LOXHD1: variants seen among roughly 807,000 people sequenced by gnomAD.
The protein encoded by LOXHD1 is lipoxygenase homology domain-containing protein 1.
In LOXHD1, 205 loss-of-function variants were observed where a neutral mutation model predicts 248.2. That is an observed-to-expected ratio of 0.83 (90% CI 0.74 to 0.93). The LOEUF is 0.93. Ranked by LOEUF, LOXHD1 falls within the 40% of genes least tolerant of loss-of-function variation. LOXHD1 has a pLI of 0.00. For missense variants in LOXHD1, 2,930 were observed against 2,971.6 expected, an observed-to-expected ratio of 0.99 and a Z score of 0.33; for synonymous variants, 1,113 against 1,162.8, an observed-to-expected ratio of 0.96 and a Z score of 0.87.
At chr18:46,484,941 C>A (rs1156419831) in intron 39 of LOXHD1, 78 bp downstream of exon 39, 2 of 1,508,530 alleles carry the variant, frequency 1.3e-6, no homozygotes, top group African/African-American at 1.4e-5. Context: ...CCTATGGCTC[C>A]CACCCAAGAG....
intron 20 of LOXHD1, 51 bp from the exon 21 acceptor site, chr18:46,557,540 A>G: frequency 6.5e-7 from 1 of 1,549,116 alleles, no homozygotes. Flanking sequence ...CCCTCCCCAC[A>G]TGGCCATCAG....
chr18:46,544,341 A>G (rs1027159047), intron 23 of LOXHD1, among the ~76,000 whole-genome samples: 1 of 152,198 alleles, frequency 6.6e-6, no homozygotes. Context: ...TGAGTTGATG[A>G]CTGTTGGATG....
intron 21 of LOXHD1, among the ~76,000 whole-genome samples, chr18:46,556,245 G>A (rs1412796364): frequency 6.6e-6 from 1 of 151,928 alleles, no homozygotes; most frequent in Non-Finnish European, 1.5e-5. Context: ...TTACTATCTG[G>A]TCTTTACACA....
At chr18:46,623,885 C>T (rs1375752414) in intron 4 of LOXHD1, among the ~76,000 whole-genome samples, 1 of 152,260 alleles carries the variant, frequency 6.6e-6, no homozygotes. Context: ...TAATTCGGTG[C>T]TGCATGCACA....
At chr18:46,488,372 G>A (rs1042885457) in intron 38 of LOXHD1, among the ~76,000 whole-genome samples, 2 of 152,210 alleles carry the variant, frequency 1.3e-5, no homozygotes, top group African/African-American at 2.4e-5. Context: ...TCTTACTGAA[G>A]CTAGTGCTGC....
At position 46,533,340 on chromosome 18, in the gene LOXHD1, A is replaced by G. The variant is rs897289040; in HGVS notation, c.4213-16T>C. The G allele has an allele frequency of 4.5e-6, 7 of 1,551,004 alleles. No homozygotes were observed. The South Asian group carries it at 4.8e-5, about 11-fold the overall frequency. ...TCTCTGCACCCTGGGGTGAGGCAGA[A>G]AAAGGAAAATTAGCCCTTAATGTGA... On this transcript the variant is annotated splice_polypyrimidine_tract_variant and intron_variant, in intron 27 of 40. Coordinates refer to ENST00000642948, the MANE Select transcript of LOXHD1 (RefSeq NM_001384474.1).
At chr18:46,545,255 G>C in intron 23 of LOXHD1, 62 bp downstream of exon 23, 3 of 1,240,084 alleles carry the variant, frequency 2.4e-6, no homozygotes, top group Non-Finnish European at 3.5e-6. Flanking sequence ...AATTTCTGCT[G>C]AGTCTTCTGG....
chr18:46,495,447 T>TTG (rs34464021), intron 37 of LOXHD1, among the ~76,000 whole-genome samples: 54,471 of 151,938 alleles, frequency 0.36, 11,198 homozygotes, highest in East Asian at 0.61. Context: ...AAATCACCAT[T>TTG]TGTAACCTTA....
In LOXHD1 at chr18:46,483,678, G is replaced by A; in HGVS notation, c.6250C>T (p.His2084Tyr). 6.4e-7 allele frequency: 1 copy of A among 1,551,730 alleles called. No homozygotes were observed. Among genetic ancestry groups the A allele is most frequent in the Non-Finnish European group, 8.7e-7 (1 of 1,147,002 alleles). The change falls in exon 40 of 41, where the codon CAC becomes TAC. Residue 2084 changes from histidine to tyrosine, a missense_variant. Coordinates refer to ENST00000642948, the MANE Select transcript of LOXHD1 (RefSeq NM_001384474.1). The part of the protein sequence containing the change: ...LGDIASLCVG[H>Y]LAREDRFIPK... ...ATAAACCGGTCTTCCCTGGCAAGGTGGCCCACACAGAGGGAGGCAATGTCC... is the reference window on the plus strand; with the variant it reads ...ATAAACCGGTCTTCCCTGGCAAGGTAGCCCACACAGAGGGAGGCAATGTCC...
chr18:46,498,955 T>C (rs2034049013), intron 37 of LOXHD1, among the ~76,000 whole-genome samples: 1 of 152,220 alleles, frequency 6.6e-6, no homozygotes, highest in South Asian at 2.1e-4. Flanking sequence ...GGGAGAAAGA[T>C]ATATCTGTGG....
rs573621022 is a variant in LOXHD1, at chr18:46,478,210, C to A, written c.6342-258G>T. On this transcript the variant is annotated intron_variant, in intron 40 of 40. Transcript: ENST00000642948. ...TTGCCCCTCATACTCCATGTCCAAT[C>A]CATAAGCAAATCCTGTTGACTTTAT... Among the ~76,000 whole-genome samples the A allele has an allele frequency of 2.0e-5, 3 of 152,298 alleles. No individual in the cohort carries two copies. In the East Asian group the frequency reaches 5.8e-4, roughly 29 times the overall value.
Position 46,609,543 on chromosome 18 carries a change from T to C in LOXHD1, c.759+1233A>G, listed in dbSNP as rs1042480222. 2.0e-5 allele frequency among the ~76,000 whole-genome samples: 3 copies of C among 152,242 alleles called. No individual in the cohort carries two copies. In the East Asian group the frequency reaches 5.8e-4, roughly 29 times the overall value. Reference sequence around the variant, plus strand: ...CTCAAAATACTTTTTCAAAAATATATAACACATTAACCTTTTCCTATCATT... The same window carrying C: ...CTCAAAATACTTTTTCAAAAATATACAACACATTAACCTTTTCCTATCATT... On this transcript the variant is annotated intron_variant, in intron 6 of 40. Coordinates refer to ENST00000642948, the MANE Select transcript of LOXHD1 (RefSeq NM_001384474.1).
intron 34 of LOXHD1, among the ~76,000 whole-genome samples, chr18:46,516,897 C>A (rs2035283164): frequency 6.6e-6 from 1 of 152,124 alleles, no homozygotes; most frequent in Non-Finnish European, 1.5e-5. Flanking sequence ...CTACCATCAT[C>A]CCAGTCATCA....
chr18:46,641,902 C>G, intron 3 of LOXHD1, 54 bp downstream of exon 3: 1 of 1,493,464 alleles, frequency 6.7e-7, no homozygotes, highest in East Asian at 2.5e-5. Flanking sequence ...ATATTGAAGT[C>G]AATCCCTCAC....
intron 8 of LOXHD1, among the ~76,000 whole-genome samples, chr18:46,599,858 C>T (rs2038309031): frequency 6.6e-6 from 1 of 152,194 alleles, no homozygotes; most frequent in South Asian, 2.1e-4. Context: ...ATTAAAACCA[C>T]AACAGGATCA....
intron 18 of LOXHD1, among the ~76,000 whole-genome samples, chr18:46,561,701 A>G (rs994696974): frequency 6.6e-6 from 1 of 151,674 alleles, no homozygotes; most frequent in African/African-American, 2.4e-5. Context: ...TCCACAATGC[A>G]GTCAACAAAC....
At chr18:46,614,394 A>G (rs190472695) in intron 5 of LOXHD1, among the ~76,000 whole-genome samples, 1 of 152,364 alleles carries the variant, frequency 6.6e-6, no homozygotes, top group Admixed American at 6.5e-5. Flanking sequence ...CAGCCATAAA[A>G]AAGGATGAGT....
intron 21 of LOXHD1, among the ~76,000 whole-genome samples, chr18:46,552,607 G>A (rs76345374): frequency 0.23 from 34,558 of 152,018 alleles, 4,289 homozygotes; most frequent in Middle Eastern, 0.36. Context: ...GGGTGACTTC[G>A]CAGGGAGCCA....
At chr18:46,601,525 A>G (rs759239601) in intron 7 of LOXHD1, 58 bp from the exon 8 acceptor site, 1 of 1,544,544 alleles carries the variant, frequency 6.5e-7, no homozygotes, top group African/African-American at 1.4e-5. Context: ...ATAATATCCC[A>G]CCCCCTCCTC....
Sources: gnomAD v4.1 joint callset for allele counts (sites outside exome capture counted in the v4.1 genomes callset) on GRCh38, gnomAD v4.1.1 for gene constraint, MANE v1.5 for transcripts, NCBI Gene and HGNC (gene_info 2026-07-23, HGNC 2026-07-21) for gene names.